TTC6: variants seen among roughly 807,000 people sequenced by gnomAD.
TTC6 encodes tetratricopeptide repeat domain 6, also known as tetratricopeptide repeat protein 6.
A neutral mutation model predicts 210.4 loss-of-function variants in TTC6; 172 were observed. The observed-to-expected ratio is 0.82, with a 90% CI of 0.72 to 0.93. The LOEUF (loss-of-function observed/expected upper bound fraction) is 0.93, where lower values mean the gene tolerates loss of function less well. TTC6 is among the 40% of genes least tolerant of loss of function. The pLI is 0.00. For synonymous variants in TTC6, 804 were observed against 819.6 expected (o/e 0.98, Z 0.32); for missense variants, 2,414 against 2,318.1 (o/e 1.04, Z -0.85).
chr14:37,639,224 A>T (rs177850), intron 1 of TTC6, among the ~76,000 whole-genome samples: 61,285 of 152,014 alleles, frequency 0.4, 12,743 homozygotes, highest in African/African-American at 0.49. Flanking sequence ...ATACTTTTGC[A>T]CATTGAAGGT....
chr14:37,673,322 A>G (rs546699453), intron 1 of TTC6, among the ~76,000 whole-genome samples: 1 of 152,274 alleles, frequency 6.6e-6, no homozygotes, highest in African/African-American at 2.4e-5. Flanking sequence ...TTTCTCAAGA[A>G]AGTTACCTGT....
chr14:37,627,878 C>G (rs2095663037), intron 1 of TTC6, among the ~76,000 whole-genome samples: 1 of 152,204 alleles, frequency 6.6e-6, no homozygotes, highest in African/African-American at 2.4e-5. Context: ...ACACTGTCTT[C>G]CACGGTGGTT....
rs577091826 is a variant in TTC6, at chr14:37,663,013, T to TA, written c.940-17137dup. On this transcript the variant is annotated intron_variant, in intron 1 of 30. Transcript: ENST00000553443. ...ATTTTAATGATATTGATTTTTTTTT[T>TA]ATCCATGAGCATGGAATGTTTTTCC... Among the ~76,000 whole-genome samples, 1,440 of 152,306 alleles carry TA rather than the reference T, an allele frequency of 9.5e-3. 6 individuals are homozygous for TA. The highest frequency in any genetic ancestry group is 0.016 in the Non-Finnish European group (1,087 of 68,020).
At chr14:37,788,611 T>C (rs1202813103) in intron 15 of TTC6, among the ~76,000 whole-genome samples, 1 of 152,188 alleles carries the variant, frequency 6.6e-6, no homozygotes, top group Non-Finnish European at 1.5e-5. Context: ...TGTCTAATTC[T>C]TTCGTCATCT....
At chr14:37,637,815 TAAAA>T (rs1248080158) in intron 1 of TTC6, among the ~76,000 whole-genome samples, 1 of 151,866 alleles carries the variant, frequency 6.6e-6, no homozygotes, top group African/African-American at 2.4e-5. Flanking sequence ...AAATAATAAT[TAAAA>T]AAAGTGGCAA....
intron 1 of TTC6, among the ~76,000 whole-genome samples, chr14:37,644,591 A>G (rs557529754): frequency 6.6e-6 from 1 of 152,364 alleles, no homozygotes; most frequent in African/African-American, 2.4e-5. Context: ...TACTATGGAA[A>G]AGGGTAGAAG....
chr14:37,715,106 C>T (rs2095850496), intron 6 of TTC6, among the ~76,000 whole-genome samples: 1 of 152,102 alleles, frequency 6.6e-6, no homozygotes, highest in African/African-American at 2.4e-5. Flanking sequence ...GCAATTGAGG[C>T]CTCCAGTGAG....
At chr14:37,655,856 A>G (rs1382180916) in intron 1 of TTC6, among the ~76,000 whole-genome samples, 1 of 150,010 alleles carries the variant, frequency 6.7e-6, no homozygotes, top group Non-Finnish European at 1.5e-5. Flanking sequence ...ACTTTTAACC[A>G]TCTCTCTTGA....
At chr14:37,673,491 T>C (rs1053690964) in intron 1 of TTC6, among the ~76,000 whole-genome samples, 1 of 152,118 alleles carries the variant, frequency 6.6e-6, no homozygotes, top group African/African-American at 2.4e-5. Flanking sequence ...CCTATGCTAT[T>C]TGGGCCAGTG....
rs200337663 is a variant in TTC6, at chr14:37,737,382, A to G, written c.1909-278A>G. Among the ~76,000 whole-genome samples, 386 of 152,072 alleles carry G rather than the reference A, an allele frequency of 2.5e-3. 2 individuals are homozygous for G. Among genetic ancestry groups the G allele is most frequent in the African/African-American group, 8.7e-3 (359 of 41,494 alleles). The stretch of plus-strand genomic sequence containing the variant: ...CAGCTGGGTAGCTTTGCACTATACT[A>G]CCTTGTACATAGCAGGTACTTGGTG... On this transcript the variant is annotated intron_variant, in intron 8 of 30. Transcript: ENST00000553443.
chr14:37,653,231 CAACA>C (rs945229287), intron 1 of TTC6, among the ~76,000 whole-genome samples: 1 of 152,190 alleles, frequency 6.6e-6, no homozygotes, highest in Admixed American at 6.5e-5. Flanking sequence ...CTAACTCTAC[CAACA>C]AAGGATACAT....
intron 14 of TTC6, among the ~76,000 whole-genome samples, chr14:37,762,073 G>A (rs1398633870): frequency 1.3e-5 from 2 of 151,986 alleles, no homozygotes; most frequent in Admixed American, 6.6e-5. Flanking sequence ...AGAACATTTG[G>A]TATTTTTCTC....
intron 14 of TTC6, among the ~76,000 whole-genome samples, chr14:37,772,177 G>A (rs1388030898): frequency 6.6e-6 from 1 of 152,194 alleles, no homozygotes; most frequent in Non-Finnish European, 1.5e-5. Flanking sequence ...ATCTCCAGCT[G>A]CGTGCTGGGA....
chr14:37,749,937 T>G (rs552053158), intron 12 of TTC6, 94 bp downstream of exon 14: 1 of 894,400 alleles, frequency 1.1e-6, no homozygotes, highest in African/African-American at 1.7e-5. Flanking sequence ...TCAGTAGATA[T>G]ATGTCCTGAA....
chr14:37,719,798 C>G (rs1420605958), intron 6 of TTC6, among the ~76,000 whole-genome samples: 1 of 152,010 alleles, frequency 6.6e-6, no homozygotes, highest in Non-Finnish European at 1.5e-5. Flanking sequence ...GGAAAGCATT[C>G]TTACACTTGA....
At chr14:37,811,495 A>G (rs1595300035) in intron 24 of TTC6, among the ~76,000 whole-genome samples, 1 of 152,318 alleles carries the variant, frequency 6.6e-6, no homozygotes, top group East Asian at 1.9e-4. Flanking sequence ...CTACAGGCAT[A>G]ATAAGATTTA....
At chr14:37,765,043 A>G (rs980009313) in intron 14 of TTC6, among the ~76,000 whole-genome samples, 1 of 151,940 alleles carries the variant, frequency 6.6e-6, no homozygotes, top group African/African-American at 2.4e-5. Flanking sequence ...ATGTTAATTT[A>G]TAATAATGTA....
chr14:37,801,652 G>C (rs1216232168), intron 20 of TTC6, among the ~76,000 whole-genome samples: 3 of 152,190 alleles, frequency 2.0e-5, no homozygotes, highest in African/African-American at 7.2e-5. Flanking sequence ...GTGAGGAACT[G>C]TGGGCAGCTG....
At chr14:37,728,504 T>G (rs2095878333) in intron 7 of TTC6, among the ~76,000 whole-genome samples, 1 of 152,170 alleles carries the variant, frequency 6.6e-6, no homozygotes, top group Non-Finnish European at 1.5e-5. Context: ...TTATTATGAG[T>G]TTTGTCTCTT....
Sources: allele counts gnomAD v4.1 joint callset (sites outside exome capture counted in the v4.1 genomes callset), GRCh38; gene constraint gnomAD v4.1.1; transcripts MANE v1.5; gene names NCBI Gene and HGNC (gene_info 2026-07-23, HGNC 2026-07-21).